LPAR1: variants seen among roughly 807,000 people sequenced by gnomAD.
LPAR1 encodes the protein LPA receptor 1.
LPAR1 carries 5 observed loss-of-function variants against 23.8 expected under a neutral mutation model. The observed-to-expected ratio is 0.21, with a 90% CI of 0.11 to 0.44. The LOEUF is 0.44. LPAR1 is among the 20% of genes least tolerant of loss of function. The pLI, the probability that LPAR1 is intolerant of heterozygous loss-of-function variation, is 0.99. For missense variants in LPAR1, 311 were observed against 482.8 expected, an observed-to-expected ratio of 0.64 and a Z score of 3.33; for synonymous variants, 160 against 164.7, an observed-to-expected ratio of 0.97 and a Z score of 0.22.
chr9:110,916,291 C>T (rs1488756331), intron 5 of LPAR1, among the ~76,000 whole-genome samples: 2 of 152,158 alleles, frequency 1.3e-5, no homozygotes, highest in African/African-American at 4.8e-5. Flanking sequence ...CTGGGCAATA[C>T]AGCTAGGAAT....
At chr9:110,899,399 G>C (rs919334576) in intron 5 of LPAR1, among the ~76,000 whole-genome samples, 8 of 152,166 alleles carry the variant, frequency 5.3e-5, no homozygotes, top group African/African-American at 1.9e-4. Context: ...CAGCTATTTT[G>C]TGCAATGCAA....
chr9:111,005,113 G>T (rs554790189), intron 2 of LPAR1, among the ~76,000 whole-genome samples: 1 of 119,446 alleles, frequency 8.4e-6, no homozygotes, highest in South Asian at 2.9e-4. Flanking sequence ...AGTTAGCCAT[G>T]ATTACAACAC....
chr9:111,004,611 C>T (rs1325764103), intron 2 of LPAR1, among the ~76,000 whole-genome samples: 1 of 152,158 alleles, frequency 6.6e-6, no homozygotes, highest in Non-Finnish European at 1.5e-5. Flanking sequence ...CTCACAACAC[C>T]ATGCTCCCTT....
At chr9:110,983,816 C>A (rs1313104553) in intron 2 of LPAR1, among the ~76,000 whole-genome samples, 1 of 151,644 alleles carries the variant, frequency 6.6e-6, no homozygotes, top group Non-Finnish European at 1.5e-5. Flanking sequence ...AAAAAATGGG[C>A]TGGACACAGC....
chr9:110,928,919 T>C (rs554283175), intron 5 of LPAR1, among the ~76,000 whole-genome samples: 2 of 152,320 alleles, frequency 1.3e-5, no homozygotes, highest in East Asian at 3.9e-4. Flanking sequence ...GGAAAATAAC[T>C]TGAGTGAATG....
At chr9:110,936,250 G>A (rs1035473253) in intron 5 of LPAR1, among the ~76,000 whole-genome samples, 3 of 152,234 alleles carry the variant, frequency 2.0e-5, no homozygotes, top group Admixed American at 2.0e-4. Flanking sequence ...CAACATGCTT[G>A]TTGAAGTAAA....
chr9:110,943,524 T>C (rs1423234694), intron 4 of LPAR1, among the ~76,000 whole-genome samples: 1 of 152,162 alleles, frequency 6.6e-6, no homozygotes. Flanking sequence ...TTATACTTAA[T>C]ACATTGTATA....
rs548122923 is a variant in LPAR1, at chr9:110,877,475, T to C, written c.794-1753A>G. 2.0e-5 allele frequency among the ~76,000 whole-genome samples: 3 copies of C among 152,306 alleles called. No homozygotes were observed. The East Asian group carries it at 5.8e-4, about 29-fold the overall frequency. ...ATGTTAATAAAGCATTCATTCCAAG[T>C]CCTTGAATTTCCTTGCTTGAAAATC... is the stretch of plus-strand genomic sequence containing the variant. On this transcript the variant is annotated intron_variant, in intron 5 of 5. Transcript: ENST00000683809.
At chr9:110,960,446 G>A (rs933917034) in intron 4 of LPAR1, among the ~76,000 whole-genome samples, 2 of 152,150 alleles carry the variant, frequency 1.3e-5, no homozygotes, top group African/African-American at 2.4e-5. Flanking sequence ...AATGGTCTGG[G>A]CAAAGAGGAG....
chr9:110,932,638 G>T (rs982024155), intron 5 of LPAR1, among the ~76,000 whole-genome samples: 13 of 152,252 alleles, frequency 8.5e-5, no homozygotes, highest in Admixed American at 2.0e-4. Context: ...GTGAGCAGCA[G>T]ATGCGCAAGC....
At chr9:111,027,552 A>G (rs1219373451) in intron 2 of LPAR1, among the ~76,000 whole-genome samples, 1 of 108,646 alleles carries the variant, frequency 9.2e-6, no homozygotes, top group African/African-American at 3.1e-5. Context: ...AAATAAAAAT[A>G]CAATTTTTTT....
At chr9:110,902,219 G>T (rs986884754) in intron 5 of LPAR1, among the ~76,000 whole-genome samples, 1 of 152,050 alleles carries the variant, frequency 6.6e-6, no homozygotes, top group African/African-American at 2.4e-5. Flanking sequence ...ATACTACCAG[G>T]CTGGCCAGCG....
intron 5 of LPAR1, among the ~76,000 whole-genome samples, chr9:110,905,886 A>AG (rs1421250532): frequency 5.3e-5 from 8 of 152,170 alleles, no homozygotes; most frequent in African/African-American, 1.9e-4. Context: ...CAATACCCTG[A>AG]GGTTCAGTTT....
At chr9:110,910,147 G>T (rs1017630915) in intron 5 of LPAR1, among the ~76,000 whole-genome samples, 1 of 152,166 alleles carries the variant, frequency 6.6e-6, no homozygotes, top group Admixed American at 6.5e-5. Context: ...GAGAGGAAAA[G>T]TGAATGCCTG....
At chr9:110,894,899 T>C (rs1821131156) in intron 5 of LPAR1, among the ~76,000 whole-genome samples, 1 of 150,628 alleles carries the variant, frequency 6.6e-6, no homozygotes, top group Non-Finnish European at 1.5e-5. Context: ...TGCACACATG[T>C]CCCAACGACA....
chr9:110,909,080 C>T (rs933462937), intron 5 of LPAR1, among the ~76,000 whole-genome samples: 19 of 152,142 alleles, frequency 1.2e-4, no homozygotes, highest in African/African-American at 4.3e-4. Context: ...ATGACTGCTT[C>T]GTTGCCCCTC....
intron 5 of LPAR1, among the ~76,000 whole-genome samples, chr9:110,934,822 A>G (rs1456646330): frequency 1.3e-5 from 1 of 79,408 alleles, no homozygotes; most frequent in Non-Finnish European, 3.1e-5. Context: ...ACACACACAA[A>G]CACACACACA....
chr9:110,945,055 T>C (rs909652719), intron 4 of LPAR1, among the ~76,000 whole-genome samples: 8 of 152,164 alleles, frequency 5.3e-5, no homozygotes, highest in Non-Finnish European at 1.2e-4. Context: ...GGAATTTCAG[T>C]TAGTTTTATG....
Position 110,942,070 on chromosome 9 carries a change from G to A in LPAR1, c.144C>T (p.Val48=). Residue 48 remains valine (V), a synonymous_variant, in exon 5 of 6, where the codon GTC becomes GTT. Transcript: ENST00000683809. The part of the protein sequence containing the change: ...GKHLATEWNT[V]SKLVMGLGIT... ...TTCCAAGTCCCATCACCAGCTTGCT[G>A]ACTGTGTTCCATTCTGTGGCAAGAT... 1.9e-6 allele frequency: 3 copies of A among 1,614,158 alleles called. 1 individual carries two copies. Among genetic ancestry groups the A allele is most frequent in the Non-Finnish European group, 2.5e-6 (3 of 1,180,000 alleles).
Sources: gnomAD v4.1 joint callset for allele counts (sites outside exome capture counted in the v4.1 genomes callset) on GRCh38, gnomAD v4.1.1 for gene constraint, MANE v1.5 for transcripts, NCBI Gene and HGNC (gene_info 2026-07-23, HGNC 2026-07-21) for gene names.